Variants in GPATCH2 observed in about 807,000 individuals in gnomAD.
GPATCH2 encodes G patch domain-containing protein 2.
A neutral mutation model predicts 58.0 loss-of-function variants in GPATCH2; 51 were observed. That is an observed-to-expected ratio of 0.88 (90% confidence interval 0.70 to 1.11). GPATCH2 has a LOEUF of 1.11. Among genes scored for constraint, GPATCH2 ranks in the 50% most tolerant of loss-of-function variants. GPATCH2 has a pLI of 0.00. For synonymous variants in GPATCH2, 222 were observed against 218.5 expected (o/e 1.02, Z -0.14); for missense variants, 625 against 652.2 (o/e 0.96, Z 0.45).
rs1042415691 is a variant in GPATCH2, at chr1:217,451,167, G to T, written c.1278-1830C>A. 3.3e-4 allele frequency among the ~76,000 whole-genome samples: 51 copies of T among 152,274 alleles called. No individual in the cohort carries two copies. In the Middle Eastern group the frequency reaches 0.01, roughly 31 times the overall value. ...ACTTTATTAACGACTAGTGAAGACT[G>T]TATTATTTAGTCCTTACAACAATCC... On this transcript the variant is annotated intron_variant, in intron 8 of 9. Transcript: ENST00000366935.
At chr1:217,577,367 A>C (rs1666855487) in intron 5 of GPATCH2, among the ~76,000 whole-genome samples, 1 of 152,312 alleles carries the variant, frequency 6.6e-6, no homozygotes, top group East Asian at 1.9e-4. Flanking sequence ...ATGGAGACCT[A>C]GTTTCAATTG....
chr1:217,566,546 T>C (rs1304632950), intron 5 of GPATCH2, among the ~76,000 whole-genome samples: 1 of 152,232 alleles, frequency 6.6e-6, no homozygotes, highest in Non-Finnish European at 1.5e-5. Context: ...GCAAAAGATA[T>C]GAATGAATAT....
At chr1:217,504,801 T>TTTTC (rs1332597936) in intron 6 of GPATCH2, among the ~76,000 whole-genome samples, 1 of 152,190 alleles carries the variant, frequency 6.6e-6, no homozygotes, top group East Asian at 1.9e-4. Context: ...TTTCTTTTTC[T>TTTTC]TTTCTTTCTT....
At chr1:217,600,782 C>G (rs1020224201) in intron 5 of GPATCH2, among the ~76,000 whole-genome samples, 1 of 151,992 alleles carries the variant, frequency 6.6e-6, no homozygotes. Flanking sequence ...AAATCAGCAG[C>G]CTTAATTTTG....
intron 2 of GPATCH2, among the ~76,000 whole-genome samples, chr1:217,616,628 A>G (rs1250550911): frequency 6.6e-6 from 1 of 152,130 alleles, no homozygotes; most frequent in Non-Finnish European, 1.5e-5. Flanking sequence ...ACGTGTTTCT[A>G]TGTTCAATAA....
intron 8 of GPATCH2, among the ~76,000 whole-genome samples, chr1:217,454,915 A>G (rs1276415359): frequency 6.6e-6 from 1 of 152,028 alleles, no homozygotes; most frequent in Non-Finnish European, 1.5e-5. Flanking sequence ...ATTACAGGCC[A>G]CTGCACCCCA....
At chr1:217,561,830 G>C (rs1665939973) in intron 5 of GPATCH2, among the ~76,000 whole-genome samples, 1 of 152,140 alleles carries the variant, frequency 6.6e-6, no homozygotes, top group South Asian at 2.1e-4. Flanking sequence ...GGTATGATTA[G>C]GTACCTGCCT....
intron 7 of GPATCH2, 58 bp downstream of exon 7, chr1:217,498,298 A>G: frequency 8.0e-7 from 1 of 1,243,248 alleles, no homozygotes; most frequent in East Asian, 2.3e-5. Flanking sequence ...CTGAAGGGAG[A>G]CAGTTAAATA....
chr1:217,482,625 T>C lies in GPATCH2; in HGVS notation c.1277+9055A>G, dbSNP rs191422868. On this transcript the variant is annotated intron_variant, in intron 8 of 9. Coordinates refer to ENST00000366935, the MANE Select transcript of GPATCH2 (RefSeq NM_018040.5). ...GCCACAAGGGGTGAGTCACATCACATATAGTCTTGTAGGCCAAAAAGAAAA... is the reference window on the plus strand; with the variant it reads ...GCCACAAGGGGTGAGTCACATCACACATAGTCTTGTAGGCCAAAAAGAAAA... Among the ~76,000 whole-genome samples, 337 of 152,188 alleles carry C rather than the reference T, an allele frequency of 2.2e-3. 2 individuals carry two copies. The highest frequency in any genetic ancestry group is 7.4e-3 in the African/African-American group (306 of 41,520).
At chr1:217,560,346 ACT>A (rs1250028905) in intron 5 of GPATCH2, among the ~76,000 whole-genome samples, 1 of 152,114 alleles carries the variant, frequency 6.6e-6, no homozygotes, top group Non-Finnish European at 1.5e-5. Context: ...TTTGGAAGTC[ACT>A]GTTTGACTTT....
rs760914116 is a variant in GPATCH2, at chr1:217,431,247, C to A, written c.1485G>T (p.Glu495Asp). 2.5e-6 allele frequency: 4 copies of A among 1,609,566 alleles called. No homozygotes were observed. The highest frequency in any genetic ancestry group is 3.4e-6 in the Non-Finnish European group (4 of 1,175,804). ...TTGGCCTCTGCATGGCTTGAATTGGCTCAGAGATCCCCTTGCCATCTCGTC... is the reference window on the plus strand; with the variant it reads ...TTGGCCTCTGCATGGCTTGAATTGGATCAGAGATCCCCTTGCCATCTCGTC... ...GLGRDGKGIS[E>D]PIQAMQRPKG... Residue 495 changes from glutamate (E) to aspartate (D), a missense_variant, in exon 10 of 10, where the codon GAG becomes GAT. Glu to Asp is a conservative substitution (Grantham distance 45). Coordinates refer to ENST00000366935, the MANE Select transcript of GPATCH2 (RefSeq NM_018040.5).
At chr1:217,509,489 G>A (rs2102569830) in intron 6 of GPATCH2, among the ~76,000 whole-genome samples, 1 of 152,238 alleles carries the variant, frequency 6.6e-6, no homozygotes, top group South Asian at 2.1e-4. Context: ...ATTTCTGGTG[G>A]TGATTTGTCT....
At chr1:217,455,305 T>C (rs1364688262) in intron 8 of GPATCH2, among the ~76,000 whole-genome samples, 2 of 152,188 alleles carry the variant, frequency 1.3e-5, no homozygotes, top group African/African-American at 4.8e-5. Flanking sequence ...AATCTGGTGA[T>C]GGAGGCTCTT....
chr1:217,474,887 T>C (rs1341472846), intron 8 of GPATCH2, among the ~76,000 whole-genome samples: 2 of 152,058 alleles, frequency 1.3e-5, no homozygotes, highest in Non-Finnish European at 1.5e-5. Flanking sequence ...CAAGATACTA[T>C]TAAAAATACT....
At chr1:217,524,901 G>A (rs1218960275) in intron 5 of GPATCH2, among the ~76,000 whole-genome samples, 33 of 1,938 alleles carry the variant, frequency 0.017, 13 homozygotes, top group Non-Finnish European at 0.039. Context: ...GGGGGAGGGG[G>A]GAGGGGGGAG....
At chr1:217,498,818 G>A in intron 6 of GPATCH2, 1 of 253,604 alleles carries the variant, frequency 3.9e-6, no homozygotes, top group South Asian at 4.3e-5. Context: ...ACATTATCTA[G>A]CTATGCCCCC....
chr1:217,564,595 C>T (rs982057674), intron 5 of GPATCH2, among the ~76,000 whole-genome samples: 1 of 152,164 alleles, frequency 6.6e-6, no homozygotes, highest in African/African-American at 2.4e-5. Flanking sequence ...CAGAATGTCC[C>T]ATTTTTTTCC....
At chr1:217,456,817 G>A (rs113171052) in intron 8 of GPATCH2, among the ~76,000 whole-genome samples, 2,672 of 152,182 alleles carry the variant, frequency 0.018, 82 homozygotes, top group African/African-American at 0.06. Flanking sequence ...ACATATATAG[G>A]TCACCTTTTA....
intron 5 of GPATCH2, among the ~76,000 whole-genome samples, chr1:217,544,431 C>T (rs956108106): frequency 6.6e-6 from 1 of 152,036 alleles, no homozygotes; most frequent in Admixed American, 6.6e-5. Flanking sequence ...GATTCTCCTG[C>T]GTCCACTATC....
Sources: gnomAD v4.1 joint callset for allele counts (sites outside exome capture counted in the v4.1 genomes callset) on GRCh38, gnomAD v4.1.1 for gene constraint, MANE v1.5 for transcripts, NCBI Gene and HGNC (gene_info 2026-07-23, HGNC 2026-07-21) for gene names.